Variants in PDE11A observed in about 807,000 individuals in gnomAD.
PDE11A encodes dual 3',5'-cyclic-AMP and -GMP phosphodiesterase 11A.
PDE11A carries 100 observed loss-of-function variants against 100.5 expected under a neutral mutation model. That is an observed-to-expected ratio of 1.00 (90% confidence interval 0.85 to 1.18). The LOEUF (loss-of-function observed/expected upper bound fraction) is 1.18. PDE11A is among the 50% of genes most tolerant of loss of function. The pLI, the probability that PDE11A is intolerant of heterozygous loss-of-function variation, is 0.00. For missense variants in PDE11A, 1,141 were observed against 1,152.6 expected (o/e 0.99, Z 0.15); for synonymous variants, 381 against 420.8 (o/e 0.91, Z 1.16).
At chr2:177,787,034 A>G (rs2082547442) in intron 9 of PDE11A, among the ~76,000 whole-genome samples, 1 of 144,232 alleles carries the variant, frequency 6.9e-6, no homozygotes. Flanking sequence ...GGAAATACAG[A>G]GAACGCCACA....
At chr2:177,763,283 CA>C (rs2082194636) in intron 10 of PDE11A, among the ~76,000 whole-genome samples, 1 of 152,010 alleles carries the variant, frequency 6.6e-6, no homozygotes, top group African/African-American at 2.4e-5. Context: ...TATTTAAAGT[CA>C]AAACAACTTC....
intron 5 of PDE11A, among the ~76,000 whole-genome samples, chr2:177,848,752 G>A (rs543340097): frequency 3.3e-5 from 5 of 152,266 alleles, no homozygotes; most frequent in African/African-American, 7.2e-5. Flanking sequence ...GCAGAGTCGT[G>A]TAGGAGGTAA....
chr2:177,652,053 G>T (rs73977692), intron 19 of PDE11A, among the ~76,000 whole-genome samples: 6 of 152,100 alleles, frequency 3.9e-5, no homozygotes, highest in Non-Finnish European at 7.3e-5. Flanking sequence ...GATCTTTCCC[G>T]TTCCTGTCAC....
chr2:178,036,072 G>A (rs938828268), intron 1 of PDE11A, among the ~76,000 whole-genome samples: 6 of 152,298 alleles, frequency 3.9e-5, no homozygotes, highest in Non-Finnish European at 7.4e-5. Context: ...TAGAAAGAGA[G>A]GAAGTCAAAT....
At chr2:177,686,668 T>G (rs1238344509) in intron 15 of PDE11A, 1 of 151,960 alleles carries the variant, frequency 6.6e-6, no homozygotes, top group African/African-American at 2.4e-5. Context: ...CAAAGAGATA[T>G]TTTAAAGTTT....
chr2:177,948,730 A>G (rs1163285820), intron 2 of PDE11A, among the ~76,000 whole-genome samples: 1 of 152,106 alleles, frequency 6.6e-6, no homozygotes, highest in Admixed American at 6.6e-5. Flanking sequence ...ACAGTGAGAC[A>G]CTATCTCTAC....
At chr2:177,712,179 G>A (rs576227641) in intron 12 of PDE11A, among the ~76,000 whole-genome samples, 3 of 152,282 alleles carry the variant, frequency 2.0e-5, no homozygotes, top group Admixed American at 1.3e-4. Context: ...GTTTAGCAAA[G>A]GCCCAGGGCA....
intron 9 of PDE11A, among the ~76,000 whole-genome samples, chr2:177,780,715 C>T (rs1473337287): frequency 6.6e-6 from 1 of 152,196 alleles, no homozygotes; most frequent in Non-Finnish European, 1.5e-5. Flanking sequence ...ATGGCTTCTT[C>T]CCTTAAAGTT....
Position 177,693,518 on chromosome 2 carries a change from T to C in PDE11A, c.2345+3814A>G, listed in dbSNP as rs77812571. ...TCACTGTCCCAGCCCCTCACTCTTA[T>C]TCTTGGTGTCATTTCCAAAACTAAA... On this transcript the variant is annotated intron_variant, in intron 15 of 19. Transcript: ENST00000286063. 2.0e-3 allele frequency among the ~76,000 whole-genome samples: 305 copies of C among 152,298 alleles called. 2 individuals carry two copies. Among genetic ancestry groups the C allele is most frequent in the African/African-American group, 7.0e-3 (292 of 41,552 alleles).
intron 4 of PDE11A, among the ~76,000 whole-genome samples, chr2:177,890,488 C>T (rs2084512726): frequency 6.6e-6 from 1 of 152,218 alleles, no homozygotes; most frequent in African/African-American, 2.4e-5. Flanking sequence ...TTATTAAATA[C>T]TTCATCTTAT....
At chr2:177,820,149 A>T in intron 7 of PDE11A, 71 bp downstream of exon 7, 2 of 816,022 alleles carry the variant, frequency 2.5e-6, no homozygotes, top group Non-Finnish European at 2.1e-6. Flanking sequence ...CATAAAAAAG[A>T]TATGGGAATA....
At chr2:177,669,167 C>T (rs2080635001) in intron 18 of PDE11A, among the ~76,000 whole-genome samples, 1 of 152,154 alleles carries the variant, frequency 6.6e-6, no homozygotes, top group Non-Finnish European at 1.5e-5. Flanking sequence ...ATTTTTGATG[C>T]ACAGTGTTTC....
At chr2:178,077,247 CT>C (rs2087218527), upstream of PDE11A, among the ~76,000 whole-genome samples, 3 of 134,790 alleles carry the variant, frequency 2.2e-5, no homozygotes, top group Non-Finnish European at 3.1e-5. Context: ...CATTTCTTTT[CT>C]TTTCTTTCTT....
intron 15 of PDE11A, among the ~76,000 whole-genome samples, chr2:177,691,386 G>C (rs1300051433): frequency 2.0e-5 from 3 of 152,168 alleles, no homozygotes; most frequent in African/African-American, 4.8e-5. Flanking sequence ...CACTCCCAGT[G>C]GTGGGGCCTG....
At chr2:177,945,002 G>C (rs911955621) in intron 2 of PDE11A, among the ~76,000 whole-genome samples, 4 of 149,680 alleles carry the variant, frequency 2.7e-5, no homozygotes, top group Admixed American at 2.7e-4. Context: ...GACTGGTTTT[G>C]GTGGAGACGG....
At chr2:177,785,720 C>A (rs562033583) in intron 9 of PDE11A, among the ~76,000 whole-genome samples, 11 of 152,210 alleles carry the variant, frequency 7.2e-5, no homozygotes, top group Non-Finnish European at 1.0e-4. Context: ...AAAAACGGCG[C>A]ACCAGGAGAT....
At position 177,669,555 on chromosome 2, in the gene PDE11A, C is replaced by A; in HGVS notation, c.2500G>T (p.Val834Leu). 1 of 1,432,066 alleles carries A rather than the reference C, an allele frequency of 7.0e-7. No homozygotes were observed. The highest frequency in any genetic ancestry group is 1.4e-5 in the African/African-American group (1 of 71,608). The allele number at this position is 1,432,066 out of a possible 1,614,324, so 88.7% of individuals were successfully genotyped here. Reference sequence around the variant, plus strand: ...CCTTGTTCGAAGAACTCACTGGTTACAAGTTCTGCCACCTGAAACATATAA... The same window carrying A: ...CCTTGTTCGAAGAACTCACTGGTTAAAAGTTCTGCCACCTGAAACATATAA... ...WEISRQVAEL[V>L]TSEFFEQGDR... is the part of the protein sequence containing the mutation. The change falls in exon 18 of 20, where the codon GTA (valine) becomes TTA (leucine). Residue 834 changes from valine (V) to leucine (L), a missense_variant. Transcript: ENST00000286063.
At chr2:177,708,741 T>C (rs1299616221) in intron 13 of PDE11A, among the ~76,000 whole-genome samples, 1 of 152,242 alleles carries the variant, frequency 6.6e-6, no homozygotes, top group Non-Finnish European at 1.5e-5. Context: ...CATCCACTCA[T>C]GCAGTTATCC....
At chr2:177,922,699 C>A in intron 2 of PDE11A, 1 of 985,460 alleles carries the variant, frequency 1.0e-6, no homozygotes, top group Non-Finnish European at 1.2e-6. Context: ...CCACTCCAAT[C>A]CAAGCTACCT....
Sources: gnomAD v4.1 joint callset for allele counts (sites outside exome capture counted in the v4.1 genomes callset) on GRCh38, gnomAD v4.1.1 for gene constraint, MANE v1.5 for transcripts, NCBI Gene and HGNC (gene_info 2026-07-23, HGNC 2026-07-21) for gene names.